MTA3: variants seen among roughly 807,000 people sequenced by gnomAD.
The protein encoded by MTA3 is metastasis associated 1 family member 3.
MTA3 carries 34 observed loss-of-function variants against 83.5 expected under a neutral mutation model. That is an observed-to-expected ratio of 0.41 (90% confidence interval 0.31 to 0.54). MTA3 has a LOEUF of 0.54. Among genes scored for constraint, MTA3 ranks in the 20% least tolerant of loss-of-function variants. The pLI, the probability that MTA3 is intolerant of heterozygous loss-of-function variation, is 0.33. For synonymous variants in MTA3, 303 were observed against 252.7 expected, an observed-to-expected ratio of 1.20 and a Z score of -1.89; for missense variants, 761 against 726.4, an observed-to-expected ratio of 1.05 and a Z score of -0.55.
intron 16 of MTA3, among the ~76,000 whole-genome samples, chr2:42,751,105 C>T (rs184171032): frequency 1.3e-5 from 2 of 152,262 alleles, no homozygotes; most frequent in Admixed American, 6.5e-5. Context: ...CTCTGATTTT[C>T]AGAAGGAAAG....
At chr2:42,505,334 G>A (rs185543802) in intron 2 of MTA3, among the ~76,000 whole-genome samples, 1 of 152,288 alleles carries the variant, frequency 6.6e-6, no homozygotes, top group Non-Finnish European at 1.5e-5. Context: ...GGAGGTTGCA[G>A]TGAGCCGAGA....
chr2:42,692,672 C>A (rs138979285), intron 9 of MTA3, among the ~76,000 whole-genome samples: 3 of 152,316 alleles, frequency 2.0e-5, no homozygotes, highest in African/African-American at 7.2e-5. Context: ...CGTGATCCTC[C>A]TGCCACAGCC....
chr2:42,653,143 C>A (rs1301138767), intron 6 of MTA3, among the ~76,000 whole-genome samples: 1 of 152,050 alleles, frequency 6.6e-6, no homozygotes, highest in African/African-American at 2.4e-5. Context: ...CACAATTAAA[C>A]GAAGCAAAAA....
At chr2:42,748,195 A>ATTGTGTGTG (rs1553402275) in intron 16 of MTA3, among the ~76,000 whole-genome samples, 1 of 57,594 alleles carries the variant, frequency 1.7e-5, no homozygotes, top group Middle Eastern at 0.012. Context: ...CATCCAGCTA[A>ATTGTGTGTG]TGTGTTTGTG....
chr2:42,581,692 C>A (rs1052757315), intron 3 of MTA3: 2 of 213,924 alleles, frequency 9.3e-6, no homozygotes, highest in South Asian at 1.0e-4. Flanking sequence ...TAGCAACAAC[C>A]TTAGAAGCTA....
chr2:42,682,055 A>G (rs1691981684), intron 8 of MTA3, among the ~76,000 whole-genome samples: 2 of 152,044 alleles, frequency 1.3e-5, no homozygotes, highest in South Asian at 4.1e-4. Flanking sequence ...ATAAAATAAA[A>G]AAACTAGTCA....
chr2:42,679,388 G>A (rs538310846), intron 8 of MTA3, among the ~76,000 whole-genome samples: 19 of 152,090 alleles, frequency 1.2e-4, no homozygotes, highest in Admixed American at 3.3e-4. Flanking sequence ...TGGGGTAACC[G>A]CTATCATTAA....
intron 3 of MTA3, among the ~76,000 whole-genome samples, chr2:42,592,738 A>G (rs1199131491): frequency 6.6e-6 from 1 of 152,192 alleles, no homozygotes; most frequent in Non-Finnish European, 1.5e-5. Flanking sequence ...GAACAGTAAC[A>G]CACACGGAGC....
chr2:42,560,180 G>A (rs1001868628), intron 2 of MTA3, among the ~76,000 whole-genome samples: 3 of 151,934 alleles, frequency 2.0e-5, no homozygotes, highest in African/African-American at 4.8e-5. Context: ...ACGCCACCAC[G>A]CCCGGCTAAT....
intron 4 of MTA3, among the ~76,000 whole-genome samples, chr2:42,617,784 TAA>T (rs36088935): frequency 6.8e-6 from 1 of 146,160 alleles, no homozygotes; most frequent in Admixed American, 6.8e-5. Flanking sequence ...CTCTAAAAAA[TAA>T]AAAAAAAAAT....
chr2:42,644,521 A>T (rs1241402561), intron 6 of MTA3, among the ~76,000 whole-genome samples: 1 of 152,182 alleles, frequency 6.6e-6, no homozygotes, highest in Non-Finnish European at 1.5e-5. Flanking sequence ...CCTGGCCAGC[A>T]CTTCCAATTT....
chr2:42,570,609 CAGTA>C, intron 2 of MTA3, 105 bp downstream of exon 2: 1 of 579,672 alleles, frequency 1.7e-6, no homozygotes, highest in Non-Finnish European at 2.8e-6. Flanking sequence ...CCTGCAATCC[CAGTA>C]AATTGGGAGG....
chr2:42,585,465 T>G (rs1383286958), intron 3 of MTA3, among the ~76,000 whole-genome samples: 1 of 147,614 alleles, frequency 6.8e-6, no homozygotes, highest in African/African-American at 2.5e-5. Flanking sequence ...TGATTCTTTT[T>G]TCTTTCTTTT....
At chr2:42,534,269 A>T (rs1331302913) in intron 2 of MTA3, among the ~76,000 whole-genome samples, 2 of 152,068 alleles carry the variant, frequency 1.3e-5, no homozygotes, top group African/African-American at 4.8e-5. Context: ...TTCAGTGCCC[A>T]CCCTAGGTTG....
intron 9 of MTA3, among the ~76,000 whole-genome samples, chr2:42,687,605 A>G (rs57750679): frequency 0.024 from 3,664 of 152,270 alleles, 154 homozygotes; most frequent in African/African-American, 0.084. Flanking sequence ...CATGATAACT[A>G]TATGTTTAAC....
chr2:42,674,784 A>G (rs1691181198), intron 8 of MTA3, among the ~76,000 whole-genome samples: 1 of 151,416 alleles, frequency 6.6e-6, no homozygotes, highest in Non-Finnish European at 1.5e-5. Flanking sequence ...TTTTTAGTAG[A>G]GGCGAGGTTT....
intron 6 of MTA3, among the ~76,000 whole-genome samples, chr2:42,646,101 G>A (rs1295389779): frequency 6.6e-6 from 1 of 152,152 alleles, no homozygotes; most frequent in Non-Finnish European, 1.5e-5. Context: ...GAACAACAAA[G>A]CCTAAATGAC....
intron 2 of MTA3, among the ~76,000 whole-genome samples, chr2:42,519,251 T>C (rs1290079098): frequency 6.6e-6 from 1 of 151,866 alleles, no homozygotes; most frequent in Non-Finnish European, 1.5e-5. Flanking sequence ...CAAATCCCAA[T>C]AGAGGGACAT....
At chr2:42,727,187 G>C (rs1398767442) in intron 16 of MTA3, among the ~76,000 whole-genome samples, 1 of 152,152 alleles carries the variant, frequency 6.6e-6, no homozygotes, top group Non-Finnish European at 1.5e-5. Flanking sequence ...TACAGAGTGA[G>C]ATCCTGTCTC....
Sources: gnomAD v4.1 joint callset for allele counts (sites outside exome capture counted in the v4.1 genomes callset) on GRCh38, gnomAD v4.1.1 for gene constraint, MANE v1.5 for transcripts, NCBI Gene and HGNC (gene_info 2026-07-23, HGNC 2026-07-21) for gene names.